Variants in SLCO6A1 observed in about 807,000 individuals in gnomAD.
The protein encoded by SLCO6A1 is cancer/testis antigen 48.
In SLCO6A1, 65 loss-of-function variants were observed where a neutral mutation model predicts 72.7. That is an observed-to-expected ratio of 0.89 (90% CI 0.73 to 1.10). The LOEUF (loss-of-function observed/expected upper bound fraction) is 1.10, where lower values mean the gene tolerates loss of function less well. Among genes scored for constraint, SLCO6A1 ranks in the 50% least tolerant of loss-of-function variants. The pLI, the probability that SLCO6A1 is intolerant of heterozygous loss-of-function variation, is 0.00. For missense variants in SLCO6A1, 874 were observed against 872.6 expected (o/e 1.00, Z -0.02); for synonymous variants, 314 against 298.2 (o/e 1.05, Z -0.55).
chr5:102,431,061 G>A (rs1749191046), intron 7 of SLCO6A1, among the ~76,000 whole-genome samples: 2 of 151,962 alleles, frequency 1.3e-5, no homozygotes, highest in South Asian at 2.1e-4. Flanking sequence ...ATTTTTTCTA[G>A]ATTTTCTAGT....
Position 102,480,176 on chromosome 5 carries a change from C to T in SLCO6A1, c.616+1G>A. 1.2e-6 allele frequency: 2 copies of T among 1,602,010 alleles called. No homozygotes were observed. The highest frequency in any genetic ancestry group is 1.7e-6 in the Non-Finnish European group (2 of 1,174,114). ...TATGACAGTATATTTTAAAACCTTACCTTCAATTCCTACCTTACTTTGTTT... is the reference window on the plus strand; with the variant it reads ...TATGACAGTATATTTTAAAACCTTATCTTCAATTCCTACCTTACTTTGTTT... On this transcript the variant is annotated splice_donor_variant, in intron 2 of 13. Transcript: ENST00000506729. LOFTEE classifies it high-confidence loss of function.
intron 4 of SLCO6A1, among the ~76,000 whole-genome samples, chr5:102,468,217 G>A (rs1751407183): frequency 6.6e-6 from 1 of 151,948 alleles, no homozygotes; most frequent in African/African-American, 2.4e-5. Flanking sequence ...GCTTTCCATT[G>A]TCTTAAATTT....
At chr5:102,448,641 T>C (rs1241250736) in intron 6 of SLCO6A1, among the ~76,000 whole-genome samples, 7 of 152,158 alleles carry the variant, frequency 4.6e-5, no homozygotes, top group Admixed American at 3.9e-4. Context: ...TTTGTCCTTT[T>C]TGATTATTGT....
chr5:102,449,045 T>C (rs1750268750), intron 6 of SLCO6A1, among the ~76,000 whole-genome samples: 1 of 152,220 alleles, frequency 6.6e-6, no homozygotes, highest in South Asian at 2.1e-4. Flanking sequence ...GAACTTCTTA[T>C]AAGGCAGGCT....
intron 6 of SLCO6A1, 83 bp from the exon 7 acceptor site, chr5:102,438,844 T>C: frequency 9.9e-7 from 1 of 1,014,634 alleles, no homozygotes; most frequent in South Asian, 2.6e-5. Context: ...TAATGATCTG[T>C]CTACAAAAAT....
intron 7 of SLCO6A1, among the ~76,000 whole-genome samples, chr5:102,428,307 A>G (rs1749029903): frequency 6.6e-6 from 1 of 152,126 alleles, no homozygotes; most frequent in Admixed American, 6.6e-5. Context: ...TACAAGTAAT[A>G]CCAGAAAAAC....
chr5:102,374,794 G>A (rs1406599192), intron 12 of SLCO6A1, among the ~76,000 whole-genome samples: 3 of 152,150 alleles, frequency 2.0e-5, no homozygotes, highest in African/African-American at 7.2e-5. Flanking sequence ...GGTATAGCTT[G>A]TGAAGAAAAA....
At chr5:102,420,832 T>A (rs1482359973) in intron 7 of SLCO6A1, among the ~76,000 whole-genome samples, 1 of 152,140 alleles carries the variant, frequency 6.6e-6, no homozygotes. Flanking sequence ...CTTAGAAAGA[T>A]AAATGACATA....
chr5:102,415,814 G>A (rs909044255), intron 8 of SLCO6A1, among the ~76,000 whole-genome samples: 12 of 151,908 alleles, frequency 7.9e-5, no homozygotes, highest in African/African-American at 1.2e-4. Context: ...TCCATCCAAC[G>A]AAGACTAATA....
intron 7 of SLCO6A1, among the ~76,000 whole-genome samples, chr5:102,431,450 T>C (rs1749213518): frequency 6.6e-6 from 1 of 152,178 alleles, no homozygotes; most frequent in Non-Finnish European, 1.5e-5. Flanking sequence ...TTCTGGTGTT[T>C]TGTATCTCTG....
At chr5:102,373,529 A>G in intron 12 of SLCO6A1, 35 bp from the exon 13 acceptor site, 15 of 1,368,596 alleles carry the variant, frequency 1.1e-5, no homozygotes, top group African/African-American at 1.5e-5. Flanking sequence ...AGATATGTCC[A>G]TGTATTTAGA....
intron 4 of SLCO6A1, among the ~76,000 whole-genome samples, chr5:102,460,628 T>C (rs1750975749): frequency 6.6e-6 from 1 of 151,924 alleles, no homozygotes; most frequent in South Asian, 2.1e-4. Flanking sequence ...TCACACACAT[T>C]TAAGACCCCC....
chr5:102,491,527 G>C (rs116828956), intron 1 of SLCO6A1, among the ~76,000 whole-genome samples: 2 of 152,216 alleles, frequency 1.3e-5, no homozygotes, highest in Non-Finnish European at 2.9e-5. Flanking sequence ...GGTCCCGAGC[G>C]CTGCCCCACA....
intron 12 of SLCO6A1, among the ~76,000 whole-genome samples, chr5:102,385,163 T>C (rs1451112339): frequency 6.6e-6 from 1 of 152,160 alleles, no homozygotes; most frequent in Non-Finnish European, 1.5e-5. Context: ...CCTGCAAAAT[T>C]TCTGCTCCTA....
At chr5:102,414,956 G>T (rs935630343) in intron 8 of SLCO6A1, among the ~76,000 whole-genome samples, 7 of 151,540 alleles carry the variant, frequency 4.6e-5, no homozygotes, top group Non-Finnish European at 1.0e-4. Flanking sequence ...AATAAGGCAA[G>T]CTTGTTTACA....
At chr5:102,429,465 CA>C in intron 7 of SLCO6A1, among the ~76,000 whole-genome samples, 1 of 152,048 alleles carries the variant, frequency 6.6e-6, no homozygotes, top group Admixed American at 6.6e-5. Flanking sequence ...TAATCCATCT[CA>C]AGTTGATTTT....
intron 10 of SLCO6A1, among the ~76,000 whole-genome samples, chr5:102,394,334 T>C (rs1746942485): frequency 6.6e-6 from 1 of 152,200 alleles, no homozygotes; most frequent in African/African-American, 2.4e-5. Context: ...GATTAAACTT[T>C]GTTGAATTTG....
At chr5:102,392,917 C>T (rs1746845833) in intron 10 of SLCO6A1, among the ~76,000 whole-genome samples, 1 of 152,040 alleles carries the variant, frequency 6.6e-6, no homozygotes, top group Non-Finnish European at 1.5e-5. Flanking sequence ...TATTCTTCCC[C>T]TAGAGCTCCC....
At chr5:102,421,119 T>C (rs1456260585) in intron 7 of SLCO6A1, among the ~76,000 whole-genome samples, 2 of 152,068 alleles carry the variant, frequency 1.3e-5, no homozygotes, top group Non-Finnish European at 1.5e-5. Flanking sequence ...GTTTTGGCAA[T>C]CCACAGATAA....
Sources: gnomAD v4.1 joint callset for allele counts (sites outside exome capture counted in the v4.1 genomes callset) on GRCh38, gnomAD v4.1.1 for gene constraint, MANE v1.5 for transcripts, NCBI Gene and HGNC (gene_info 2026-07-23, HGNC 2026-07-21) for gene names.